The following DIAPH3 variants were observed in gnomAD, a reference collection of about 807,000 sequenced individuals.
The protein encoded by DIAPH3 is diaphanous related formin 3.
DIAPH3 carries 117 observed loss-of-function variants against 144.3 expected under a neutral mutation model. The observed-to-expected ratio is 0.81, with a 90% CI of 0.70 to 0.95. DIAPH3 has a LOEUF of 0.95. Ranked by LOEUF, DIAPH3 falls within the 40% of genes least tolerant of loss-of-function variation. DIAPH3 has a pLI of 0.00. For synonymous variants in DIAPH3, 519 were observed against 488.9 expected (o/e 1.06, Z -0.81); for missense variants, 1,421 against 1,412.7 (o/e 1.01, Z -0.09).
intron 1 of DIAPH3, among the ~76,000 whole-genome samples, chr13:60,142,555 C>T (rs1268438139): frequency 6.6e-6 from 1 of 152,104 alleles, no homozygotes. Flanking sequence ...CCTAAGGAGT[C>T]CCCCCAAGAG....
chr13:60,109,212 C>A (rs954732198), intron 3 of DIAPH3, among the ~76,000 whole-genome samples: 1 of 152,120 alleles, frequency 6.6e-6, no homozygotes, highest in Non-Finnish European at 1.5e-5. Flanking sequence ...GTGTGTGTCA[C>A]AGAGACACAC....
intron 18 of DIAPH3, among the ~76,000 whole-genome samples, chr13:59,919,868 T>C (rs1400535645): frequency 1.3e-5 from 2 of 152,028 alleles, no homozygotes. Context: ...TTAAGGAATA[T>C]TCAATATGGA....
chr13:59,997,976 G>A, intron 9 of DIAPH3, among the ~76,000 whole-genome samples: 1 of 152,090 alleles, frequency 6.6e-6, no homozygotes, highest in Non-Finnish European at 1.5e-5. Flanking sequence ...GGAAGATACA[G>A]TTTAGACTGC....
chr13:60,042,208 T>C (rs1428951043), intron 5 of DIAPH3, among the ~76,000 whole-genome samples: 1 of 152,162 alleles, frequency 6.6e-6, no homozygotes, highest in African/African-American at 2.4e-5. Flanking sequence ...AAACAGTGTG[T>C]GTGTGTCTAG....
chr13:59,971,275 A>G, intron 15 of DIAPH3, 115 bp from the exon 16 acceptor site: 1 of 993,374 alleles, frequency 1.0e-6, no homozygotes, highest in African/African-American at 1.6e-5. Context: ...ACATATCAGT[A>G]ATTTCATAAG....
chr13:59,941,642 T>C (rs914311600), intron 17 of DIAPH3, among the ~76,000 whole-genome samples: 5 of 152,122 alleles, frequency 3.3e-5, no homozygotes, highest in Non-Finnish European at 7.4e-5. Flanking sequence ...TCTTGCTTTG[T>C]AAGTGGTTAA....
At chr13:60,068,992 G>T (rs1340067103) in intron 4 of DIAPH3, among the ~76,000 whole-genome samples, 3 of 152,048 alleles carry the variant, frequency 2.0e-5, no homozygotes, top group Non-Finnish European at 4.4e-5. Flanking sequence ...ATTCCTTTGG[G>T]TATATACTCA....
intron 24 of DIAPH3, among the ~76,000 whole-genome samples, chr13:59,817,548 T>C (rs1346483527): frequency 6.6e-6 from 1 of 151,938 alleles, no homozygotes; most frequent in African/African-American, 2.4e-5. Flanking sequence ...AACATTTCTA[T>C]ATCCATAGGG....
chr13:59,818,720 C>T (rs916341324), intron 24 of DIAPH3, among the ~76,000 whole-genome samples: 17 of 151,828 alleles, frequency 1.1e-4, no homozygotes, highest in African/African-American at 4.1e-4. Context: ...AAGTATTTTA[C>T]ACTTCTAATT....
intron 24 of DIAPH3, among the ~76,000 whole-genome samples, chr13:59,819,090 A>C (rs1328107642): frequency 6.6e-6 from 1 of 151,806 alleles, no homozygotes; most frequent in Non-Finnish European, 1.5e-5. Context: ...GTTCTTACTT[A>C]ATTGAACTTA....
chr13:59,880,103 C>A (rs946607625), intron 20 of DIAPH3, among the ~76,000 whole-genome samples: 7 of 152,152 alleles, frequency 4.6e-5, no homozygotes, highest in African/African-American at 1.7e-4. Context: ...ACCCACAAAT[C>A]TATCACATGC....
intron 1 of DIAPH3, among the ~76,000 whole-genome samples, chr13:60,136,649 A>C (rs951473917): frequency 6.6e-6 from 1 of 152,130 alleles, no homozygotes; most frequent in Non-Finnish European, 1.5e-5. Flanking sequence ...AATTATAAAC[A>C]ATTCTGCCGG....
chr13:59,878,721 C>T lies in DIAPH3; in HGVS notation c.2607+508G>A, dbSNP rs193129583. On this transcript the variant is annotated intron_variant, in intron 21 of 27. Transcript: ENST00000400324. ...CTAGAATTATATTTAGATAGAAACACTTCAAAATCAATAATATCCGAGTTG... is the reference window on the plus strand; with the variant it reads ...CTAGAATTATATTTAGATAGAAACATTTCAAAATCAATAATATCCGAGTTG... Among the ~76,000 whole-genome samples the T allele has an allele frequency of 3.3e-3, 499 of 152,176 alleles. 4 individuals are homozygous for T. The highest frequency in any genetic ancestry group is 0.011 in the African/African-American group (477 of 41,528).
At chr13:60,086,902 C>T (rs938534806) in intron 4 of DIAPH3, among the ~76,000 whole-genome samples, 1 of 152,182 alleles carries the variant, frequency 6.6e-6, no homozygotes, top group Non-Finnish European at 1.5e-5. Flanking sequence ...AGAGAAAATA[C>T]AGTCACCCCT....
intron 1 of DIAPH3, among the ~76,000 whole-genome samples, chr13:60,135,442 G>A (rs1408454835): frequency 1.3e-5 from 2 of 152,144 alleles, no homozygotes; most frequent in African/African-American, 4.8e-5. Context: ...AGATGCAGGT[G>A]TATCCTGCAT....
intron 5 of DIAPH3, among the ~76,000 whole-genome samples, chr13:60,031,030 T>A (rs2054750284): frequency 6.6e-6 from 1 of 152,214 alleles, no homozygotes; most frequent in Non-Finnish European, 1.5e-5. Context: ...TGCATTGCTA[T>A]AAAGAAATGC....
At chr13:59,842,587 G>A (rs879325983) in intron 22 of DIAPH3, among the ~76,000 whole-genome samples, 3 of 151,992 alleles carry the variant, frequency 2.0e-5, no homozygotes, top group Non-Finnish European at 4.4e-5. Context: ...GGCTGTACAG[G>A]TAGAAGGGCT....
intron 27 of DIAPH3, among the ~76,000 whole-genome samples, chr13:59,735,553 T>A (rs1593705505): frequency 6.6e-6 from 1 of 152,074 alleles, no homozygotes; most frequent in East Asian, 1.9e-4. Context: ...CATAAGGCAT[T>A]TATATGAGAG....
At chr13:59,766,889 A>G (rs2037887562) in intron 27 of DIAPH3, among the ~76,000 whole-genome samples, 1 of 152,036 alleles carries the variant, frequency 6.6e-6, no homozygotes, top group Non-Finnish European at 1.5e-5. Flanking sequence ...TCTCAAGGTA[A>G]GCAGTGATAC....
Sources: gnomAD v4.1 joint callset for allele counts (sites outside exome capture counted in the v4.1 genomes callset) on GRCh38, gnomAD v4.1.1 for gene constraint, MANE v1.5 for transcripts, NCBI Gene and HGNC (gene_info 2026-07-23, HGNC 2026-07-21) for gene names.